Variants in CADPS2 observed in about 807,000 individuals in gnomAD.
The protein encoded by CADPS2 is calcium-dependent secretion activator 2.
In CADPS2, 93 loss-of-function variants were observed where a neutral mutation model predicts 172.5. The observed-to-expected ratio is 0.54, with a 90% CI of 0.46 to 0.64. CADPS2 has a LOEUF of 0.64. Ranked by LOEUF, CADPS2 falls within the 30% of genes least tolerant of loss-of-function variation. The pLI is 0.00. For synonymous variants in CADPS2, 546 were observed against 555.2 expected (o/e 0.98, Z 0.23); for missense variants, 1,420 against 1,565.9 (o/e 0.91, Z 1.57).
At chr7:122,413,907 A>G (rs796652775) in intron 19 of CADPS2, among the ~76,000 whole-genome samples, 161 bp downstream of exon 19, 9 of 152,346 alleles carry the variant, frequency 5.9e-5, no homozygotes, top group African/African-American at 2.2e-4. Flanking sequence ...ACAAAACAAT[A>G]TAACAAAAAT....
At chr7:122,686,690 C>G in intron 2 of CADPS2, among the ~76,000 whole-genome samples, 1 of 152,196 alleles carries the variant, frequency 6.6e-6, no homozygotes, top group East Asian at 1.9e-4. Flanking sequence ...TAACTATGCT[C>G]TGCACTGTTC....
intron 8 of CADPS2, among the ~76,000 whole-genome samples, chr7:122,534,483 TA>T (rs1395262601): frequency 6.6e-6 from 1 of 152,084 alleles, no homozygotes; most frequent in Non-Finnish European, 1.5e-5. Context: ...GTCACAGGCT[TA>T]AGGCATAGTT....
At chr7:122,476,504 A>G (rs1332340003) in intron 12 of CADPS2, among the ~76,000 whole-genome samples, 1 of 152,206 alleles carries the variant, frequency 6.6e-6, no homozygotes, top group East Asian at 1.9e-4. Flanking sequence ...GTAAATTTAT[A>G]AAGTACTTTT....
At chr7:122,465,684 A>G (rs776052162) in intron 14 of CADPS2, among the ~76,000 whole-genome samples, 1 of 152,128 alleles carries the variant, frequency 6.6e-6, no homozygotes, top group African/African-American at 2.4e-5. Flanking sequence ...TTTACCTTCT[A>G]TGAAACCGGT....
intron 8 of CADPS2, among the ~76,000 whole-genome samples, chr7:122,546,699 G>A (rs11763594): frequency 0.33 from 49,889 of 151,946 alleles, 8,796 homozygotes; most frequent in Middle Eastern, 0.42. Context: ...GTTTCATCCC[G>A]ACTTTGGCCC....
At chr7:122,454,087 C>T (rs1028530255) in intron 14 of CADPS2, among the ~76,000 whole-genome samples, 1 of 152,148 alleles carries the variant, frequency 6.6e-6, no homozygotes, top group Non-Finnish European at 1.5e-5. Context: ...TTGCAGTAGT[C>T]AACTCTAAAG....
intron 2 of CADPS2, among the ~76,000 whole-genome samples, chr7:122,695,665 C>G (rs932651798): frequency 2.0e-5 from 3 of 152,192 alleles, no homozygotes; most frequent in Non-Finnish European, 4.4e-5. Flanking sequence ...AATATAGATT[C>G]TAACCACCCT....
chr7:122,583,794 C>G (rs1297403855), intron 6 of CADPS2, among the ~76,000 whole-genome samples: 1 of 150,960 alleles, frequency 6.6e-6, no homozygotes, highest in Non-Finnish European at 1.5e-5. Flanking sequence ...ACATACATAT[C>G]ATATACATCA....
At chr7:122,578,262 C>T (rs150394884) in intron 7 of CADPS2, among the ~76,000 whole-genome samples, 1 of 152,050 alleles carries the variant, frequency 6.6e-6, no homozygotes, top group East Asian at 1.9e-4. Flanking sequence ...CTCTACCATC[C>T]AGAGACGAAC....
At chr7:122,466,060 T>G (rs2055095382) in intron 14 of CADPS2, among the ~76,000 whole-genome samples, 1 of 152,312 alleles carries the variant, frequency 6.6e-6, no homozygotes, top group African/African-American at 2.4e-5. Flanking sequence ...AAAAACTTTG[T>G]CCTATACCTA....
rs571316424 is a variant in CADPS2, at chr7:122,835,988, A to G, written c.339+50011T>C. Among the ~76,000 whole-genome samples, 157 of 152,334 alleles carry G rather than the reference A, an allele frequency of 1.0e-3. 1 individual carries two copies. Among genetic ancestry groups the G allele is most frequent in the Non-Finnish European group, 1.4e-3 (96 of 68,034 alleles). ...AAGACACATAATTGTCAGATTCACC[A>G]AAGTTGAAATGAAGGAAAAAATGTT... On this transcript the variant is annotated intron_variant, in intron 1 of 29. Transcript: ENST00000449022.
intron 23 of CADPS2, among the ~76,000 whole-genome samples, chr7:122,387,911 TCTAACCAGTGTTTG>T (rs1394234059): frequency 6.6e-6 from 1 of 152,058 alleles, no homozygotes. Context: ...ATCCAATTGG[TCTAACCAGTGTTTG>T]AACACTTTTC....
chr7:122,843,185 G>T (rs1391034629), intron 1 of CADPS2, among the ~76,000 whole-genome samples: 2 of 151,802 alleles, frequency 1.3e-5, no homozygotes, highest in Admixed American at 6.6e-5. Flanking sequence ...TCTCATTTTT[G>T]AATGAATGCT....
chr7:122,787,191 C>G (rs1214930153), intron 1 of CADPS2, among the ~76,000 whole-genome samples: 4 of 152,144 alleles, frequency 2.6e-5, no homozygotes, highest in Non-Finnish European at 5.9e-5. Context: ...CCCTGCACCT[C>G]AATCTCATGA....
intron 1 of CADPS2, among the ~76,000 whole-genome samples, chr7:122,849,277 A>C (rs1360002515): frequency 6.6e-6 from 1 of 152,220 alleles, no homozygotes. Context: ...TCAATCTGTA[A>C]AATATCTGGA....
At chr7:122,392,604 A>C (rs1488457336) in intron 22 of CADPS2, among the ~76,000 whole-genome samples, 1 of 152,162 alleles carries the variant, frequency 6.6e-6, no homozygotes, top group Admixed American at 6.6e-5. Flanking sequence ...TGAAGTTAAT[A>C]AATATGGTTT....
intron 6 of CADPS2, among the ~76,000 whole-genome samples, chr7:122,607,887 T>C (rs986896569): frequency 5.9e-5 from 9 of 152,116 alleles, no homozygotes; most frequent in African/African-American, 1.9e-4. Flanking sequence ...GAGAAAACTT[T>C]TGTGTGGTTT....
At chr7:122,666,657 A>C (rs1434797470) in intron 2 of CADPS2, among the ~76,000 whole-genome samples, 1 of 152,120 alleles carries the variant, frequency 6.6e-6, no homozygotes, top group East Asian at 1.9e-4. Context: ...ACACAATTTT[A>C]AGCAACATCG....
At chr7:122,353,811 T>A (rs1466291081) in intron 27 of CADPS2, among the ~76,000 whole-genome samples, 2 of 152,188 alleles carry the variant, frequency 1.3e-5, no homozygotes, top group African/African-American at 2.4e-5. Flanking sequence ...AACTTTTTTT[T>A]AAAGTTTTGT....
Sources: allele counts gnomAD v4.1 joint callset (sites outside exome capture counted in the v4.1 genomes callset), GRCh38; gene constraint gnomAD v4.1.1; transcripts MANE v1.5; gene names NCBI Gene and HGNC (gene_info 2026-07-23, HGNC 2026-07-21).